Variants in DGUOK observed in about 807,000 individuals in gnomAD.
DGUOK encodes the protein deoxyguanosine kinase, mitochondrial.
Under a neutral mutation model 36.6 loss-of-function variants are expected in DGUOK, and 30 were observed. The ratio of observed to expected loss-of-function variants is 0.82; its 90% CI spans 0.61 to 1.11. The LOEUF (loss-of-function observed/expected upper bound fraction) is 1.11, where lower values mean the gene tolerates loss of function less well. DGUOK is among the 50% of genes most tolerant of loss of function. DGUOK has a pLI of 0.00. For missense variants in DGUOK, 361 were observed against 336.4 expected, an observed-to-expected ratio of 1.07 and a Z score of -0.57; for synonymous variants, 145 against 126.3, an observed-to-expected ratio of 1.15 and a Z score of -0.99.
At chr2:73,936,098 A>G (rs1216898505) in intron 1 of DGUOK, among the ~76,000 whole-genome samples, 2 of 152,246 alleles carry the variant, frequency 1.3e-5, no homozygotes, top group Admixed American at 1.3e-4. Flanking sequence ...ATTTAATTAA[A>G]ATAGCTTTTT....
At chr2:73,953,260 GTGATGA>G (rs1311264802) in intron 4 of DGUOK, among the ~76,000 whole-genome samples, 3 of 147,306 alleles carry the variant, frequency 2.0e-5, no homozygotes, top group Admixed American at 6.7e-5. Flanking sequence ...ATAGCAAATG[GTGATGA>G]TGATGATGAT....
intron 2 of DGUOK, among the ~76,000 whole-genome samples, chr2:73,945,547 C>T (rs1401880254): frequency 6.6e-6 from 1 of 152,180 alleles, no homozygotes; most frequent in South Asian, 2.1e-4. Flanking sequence ...CCTCATGAAG[C>T]TGTTTTGAAG....
At position 73,958,134 on chromosome 2, in the gene DGUOK, C is replaced by G; in HGVS notation, c.708-12C>G. On this transcript the variant is annotated splice_polypyrimidine_tract_variant and intron_variant, in intron 5 of 6. Coordinates refer to ENST00000264093, the MANE Select transcript of DGUOK (RefSeq NM_080916.3). ...TTTTTTTCTGTCCCCCAAACGTTCA[C>G]GCTTCTTATAGGCTCCACTTTGAGG... The G allele has an allele frequency of 1.2e-6, 2 of 1,609,050 alleles. No homozygotes were observed. The highest frequency in any genetic ancestry group is 8.5e-7 in the Non-Finnish European group (1 of 1,175,692).
chr2:73,938,282 T>A (rs1336562646), intron 1 of DGUOK, among the ~76,000 whole-genome samples: 1 of 151,944 alleles, frequency 6.6e-6, no homozygotes, highest in Non-Finnish European at 1.5e-5. Context: ...TTCAAGGGAG[T>A]CTCCTCTGAC....
At chr2:73,952,211 G>A (rs1682753945) in intron 4 of DGUOK, among the ~76,000 whole-genome samples, 1 of 152,108 alleles carries the variant, frequency 6.6e-6, no homozygotes, top group South Asian at 2.1e-4. Flanking sequence ...TGAGGCCAGA[G>A]GGCTAATAAT....
chr2:73,940,016 C>T (rs760579152), intron 2 of DGUOK, among the ~76,000 whole-genome samples: 12 of 151,784 alleles, frequency 7.9e-5, no homozygotes, highest in Non-Finnish European at 1.6e-4. Context: ...ATTCTCATGC[C>T]TCAGCCTCCT....
chr2:73,940,836 A>G (rs1404661826), intron 2 of DGUOK, among the ~76,000 whole-genome samples: 2 of 152,246 alleles, frequency 1.3e-5, no homozygotes, highest in African/African-American at 2.4e-5. Context: ...GTAGCAGGCT[A>G]TCCCATCTAG....
intron 1 of DGUOK, chr2:73,932,601 A>T: frequency 7.7e-7 from 1 of 1,297,022 alleles, no homozygotes; most frequent in South Asian, 1.2e-5. Flanking sequence ...ATCACAGGTA[A>T]CATCCTCAAG....
intron 4 of DGUOK, among the ~76,000 whole-genome samples, chr2:73,955,867 T>C (rs1487008347): frequency 1.3e-5 from 2 of 152,008 alleles, no homozygotes; most frequent in African/African-American, 4.8e-5. Flanking sequence ...AGCAAGACTC[T>C]GTCTCAAAAA....
intron 2 of DGUOK, among the ~76,000 whole-genome samples, chr2:73,945,235 C>T (rs1682209301): frequency 1.3e-5 from 2 of 152,254 alleles, no homozygotes; most frequent in African/African-American, 4.8e-5. Context: ...CTTAATGCCA[C>T]TTTCTTTCAG....
rs1198096803 is a variant in DGUOK at position 73,948,974 on chromosome 2, CAG to C, written c.444-1608_444-1607del. 3.3e-5 allele frequency among the ~76,000 whole-genome samples: 5 copies of C among 152,302 alleles called. No individual in the cohort carries two copies. In the East Asian group the frequency reaches 9.7e-4, roughly 29 times the overall value. On this transcript the variant is annotated intron_variant, in intron 3 of 6. Transcript: ENST00000264093. ...TATAAGATCCTTTTTTGTTTTAAGA[CAG>C]AGTCTCGCTCTGTCGCCCAGGCTGG...
intron 4 of DGUOK, among the ~76,000 whole-genome samples, chr2:73,950,947 A>G (rs1682663368): frequency 1.3e-5 from 2 of 152,094 alleles, no homozygotes; most frequent in African/African-American, 4.8e-5. Context: ...CTATGCATAA[A>G]AGGATTGCTG....
chr2:73,948,307 TAG>T (rs905713028), intron 3 of DGUOK, among the ~76,000 whole-genome samples: 2 of 152,176 alleles, frequency 1.3e-5, no homozygotes, highest in African/African-American at 4.8e-5. Flanking sequence ...AATAGAGAAG[TAG>T]AAACACTTTG....
intron 5 of DGUOK, 23 bp downstream of exon 5, chr2:73,957,263 A>C: frequency 6.3e-7 from 1 of 1,587,154 alleles, no homozygotes; most frequent in Non-Finnish European, 8.6e-7. Flanking sequence ...AAAAGAATGT[A>C]TCAGAGACAG....
At chr2:73,946,400 A>G (rs1682306406) in intron 2 of DGUOK, among the ~76,000 whole-genome samples, 1 of 152,212 alleles carries the variant, frequency 6.6e-6, no homozygotes, top group Non-Finnish European at 1.5e-5. Flanking sequence ...CTCCCCAGAC[A>G]GACTTCACAA....
chr2:73,945,295 G>A (rs1682215758), intron 2 of DGUOK, among the ~76,000 whole-genome samples: 1 of 152,118 alleles, frequency 6.6e-6, no homozygotes, highest in African/African-American at 2.4e-5. Context: ...TTCATCACAT[G>A]TTCTGCCTTA....
At chr2:73,947,488 T>A (rs926739906) in intron 3 of DGUOK, among the ~76,000 whole-genome samples, 51 of 152,322 alleles carry the variant, frequency 3.3e-4, no homozygotes, top group African/African-American at 1.2e-3. Flanking sequence ...GGCCAGAGTC[T>A]AGTGGACATC....
At chr2:73,948,214 T>C (rs1369001007) in intron 3 of DGUOK, among the ~76,000 whole-genome samples, 2 of 152,344 alleles carry the variant, frequency 1.3e-5, no homozygotes, top group African/African-American at 4.8e-5. Context: ...GAATTACATA[T>C]AACCACATGG....
At chr2:73,935,672 C>T (rs1324216135) in intron 1 of DGUOK, among the ~76,000 whole-genome samples, 1 of 152,210 alleles carries the variant, frequency 6.6e-6, no homozygotes, top group Non-Finnish European at 1.5e-5. Context: ...CCCAGGCTCT[C>T]CAAGGCTGAG....
Sources: gnomAD v4.1 joint callset for allele counts (sites outside exome capture counted in the v4.1 genomes callset) on GRCh38, gnomAD v4.1.1 for gene constraint, MANE v1.5 for transcripts, NCBI Gene and HGNC (gene_info 2026-07-23, HGNC 2026-07-21) for gene names.